The following DENND1B variants were observed in gnomAD, a reference collection of about 807,000 sequenced individuals.
The protein encoded by DENND1B is DENN domain containing 1B.
DENND1B carries 59 observed loss-of-function variants against 90.1 expected under a neutral mutation model. The ratio of observed to expected loss-of-function variants is 0.65; its 90% CI spans 0.53 to 0.81. DENND1B has a LOEUF of 0.81. Ranked by LOEUF, DENND1B falls within the 40% of genes least tolerant of loss-of-function variation. The pLI is 0.00. For missense variants in DENND1B, 862 were observed against 912.6 expected, an observed-to-expected ratio of 0.94 and a Z score of 0.71; for synonymous variants, 337 against 324.6, an observed-to-expected ratio of 1.04 and a Z score of -0.41.
rs562944745 is a variant in DENND1B, at chr1:197,652,968, A to G, written c.367-653T>C. ...AATAAATATACAAAGATTTTTATAG[A>G]CATAATTATCCTTATTCTCTATTTT... On this transcript the variant is annotated intron_variant, in intron 6 of 22. Coordinates refer to ENST00000620048, the MANE Select transcript of DENND1B (RefSeq NM_001195215.2). Among the ~76,000 whole-genome samples, 6 of 152,176 alleles carry G rather than the reference A, an allele frequency of 3.9e-5. No homozygotes were observed. In the South Asian group the frequency reaches 1.2e-3, roughly 32 times the overall value.
intron 8 of DENND1B, 57 bp downstream of exon 8, chr1:197,646,998 G>A: frequency 7.7e-6 from 10 of 1,291,462 alleles, no homozygotes; most frequent in Non-Finnish European, 1.0e-5. Flanking sequence ...AGTGAAATAA[G>A]TGATTATTTT....
At chr1:197,552,481 A>T in intron 16 of DENND1B, 4 of 985,496 alleles carry the variant, frequency 4.1e-6, no homozygotes, top group Non-Finnish European at 4.8e-6. Context: ...CACTAGAAGG[A>T]TTAATTGTAC....
chr1:197,766,337 A>C (rs1021769992), intron 2 of DENND1B, among the ~76,000 whole-genome samples: 1 of 152,238 alleles, frequency 6.6e-6, no homozygotes, highest in Admixed American at 6.5e-5. Flanking sequence ...AATGAACACA[A>C]AGTTACAGCA....
At chr1:197,590,615 G>A (rs928154624) in intron 14 of DENND1B, among the ~76,000 whole-genome samples, 2 of 151,992 alleles carry the variant, frequency 1.3e-5, no homozygotes, top group African/African-American at 4.8e-5. Context: ...AACAATTTAG[G>A]GTTGCCAGCT....
At chr1:197,578,328 T>G (rs1235800772) in intron 15 of DENND1B, among the ~76,000 whole-genome samples, 1 of 152,104 alleles carries the variant, frequency 6.6e-6, no homozygotes, top group Non-Finnish European at 1.5e-5. Flanking sequence ...CACTGCAACC[T>G]CTGTCTCCCA....
chr1:197,545,055 A>AGAAGGAGAAGG (rs1401718247), intron 18 of DENND1B, among the ~76,000 whole-genome samples: 449 of 12,920 alleles, frequency 0.035, 3 homozygotes, highest in Non-Finnish European at 0.047. Context: ...GAAGGAGAAG[A>AGAAGGAGAAGG]AGAAGAAGAA....
At chr1:197,526,859 A>T (rs1475866922) in intron 20 of DENND1B, among the ~76,000 whole-genome samples, 2 of 152,292 alleles carry the variant, frequency 1.3e-5, no homozygotes, top group East Asian at 3.9e-4. Context: ...AAAGGTCTCA[A>T]TGTGTATTCT....
chr1:197,625,053 G>A (rs560802252), intron 10 of DENND1B, among the ~76,000 whole-genome samples: 4 of 151,924 alleles, frequency 2.6e-5, no homozygotes, highest in East Asian at 1.9e-4. Flanking sequence ...GGTGTACCTG[G>A]AAGTGACAGG....
intron 2 of DENND1B, among the ~76,000 whole-genome samples, chr1:197,726,872 TA>T: frequency 1.3e-5 from 2 of 152,316 alleles, no homozygotes; most frequent in South Asian, 4.1e-4. Flanking sequence ...ATGTTCATAG[TA>T]AAAACTAAGA....
At position 197,616,913 on chromosome 1, in the gene DENND1B, TC is replaced by T. The variant is rs145459399; in HGVS notation, c.773+745del. 6.8e-4 allele frequency among the ~76,000 whole-genome samples: 102 copies of T among 150,850 alleles called. No individual in the cohort carries two copies. The East Asian group carries it at 0.02, about 29-fold the overall frequency. On this transcript the variant is annotated intron_variant, in intron 11 of 22. Coordinates refer to ENST00000620048, the MANE Select transcript of DENND1B (RefSeq NM_001195215.2). ...ATGATTATGCAATGAAGATAACATT[TC>T]CCCCCCTAGTCTTGAAGAAGGCCCA... is the stretch of plus-strand genomic sequence containing the variant.
Position 197,623,615 on chromosome 1 carries a change from G to C in DENND1B, c.673-5856C>G, listed in dbSNP as rs1678373844. Among the ~76,000 whole-genome samples, 2 of 151,294 alleles carry C rather than the reference G, an allele frequency of 1.3e-5. 1 individual carries two copies. The highest frequency in any genetic ancestry group is 4.1e-4 in the South Asian group (2 of 4,824). On this transcript the variant is annotated intron_variant, in intron 10 of 22. Coordinates refer to ENST00000620048, the MANE Select transcript of DENND1B (RefSeq NM_001195215.2). ...TTCTTAGAATACTTTTACATTCATA[G>C]CAAAACTGAGCAGAAAGTACAGAAA...
chr1:197,567,216 TAA>T (rs1198240945), intron 15 of DENND1B, among the ~76,000 whole-genome samples: 1 of 152,014 alleles, frequency 6.6e-6, no homozygotes, highest in Non-Finnish European at 1.5e-5. Context: ...TAAAGAATCA[TAA>T]GAGTCTACTA....
At position 197,775,272 on chromosome 1, in the gene DENND1B, A is replaced by T. The variant is rs1042810455; in HGVS notation, c.-117T>A. On this transcript the variant is annotated 5_prime_UTR_variant, in exon 1 of 23. Coordinates refer to ENST00000620048, the MANE Select transcript of DENND1B (RefSeq NM_001195215.2). ...CCCACGCCGGCGGCCACACAGGGAA[A>T]GAGGCTGCTCACAGCAGCCGTGGCG... 4.6e-5 allele frequency: 39 copies of T among 847,962 alleles called. No individual in the cohort carries two copies. The highest frequency in any genetic ancestry group is 6.0e-5 in the Non-Finnish European group (38 of 635,244). 52.5% of individuals were successfully genotyped at this position (847,962 alleles called of 1,614,324 possible). A position where few individuals can be genotyped will look rare whatever the true frequency, so the allele number is the denominator to read the frequency against.
intron 20 of DENND1B, among the ~76,000 whole-genome samples, chr1:197,526,242 C>G (rs1478486130): frequency 6.6e-6 from 1 of 151,968 alleles, no homozygotes; most frequent in Non-Finnish European, 1.5e-5. Flanking sequence ...CTGGTTTTTC[C>G]TTTCATCAAC....
intron 10 of DENND1B, among the ~76,000 whole-genome samples, chr1:197,640,890 T>C (rs1680214468): frequency 1.3e-5 from 2 of 151,988 alleles, no homozygotes; most frequent in African/African-American, 4.8e-5. Flanking sequence ...GAGGATCCAT[T>C]GAGCCCAGGA....
chr1:197,602,516 C>A (rs1676299611), intron 13 of DENND1B, among the ~76,000 whole-genome samples: 1 of 151,442 alleles, frequency 6.6e-6, no homozygotes, highest in African/African-American at 2.4e-5. Context: ...CTTCATTTAC[C>A]ATTAAACACA....
chr1:197,697,251 GA>G (rs1238239302), intron 3 of DENND1B, among the ~76,000 whole-genome samples: 1 of 151,418 alleles, frequency 6.6e-6, no homozygotes, highest in East Asian at 1.9e-4. Flanking sequence ...GATAGCAGGG[GA>G]TTTTTTTTTA....
intron 10 of DENND1B, among the ~76,000 whole-genome samples, chr1:197,629,140 C>T (rs1242850449): frequency 6.6e-6 from 1 of 152,032 alleles, no homozygotes; most frequent in Admixed American, 6.6e-5. Flanking sequence ...GGATCTAGAA[C>T]CAGAAATACC....
chr1:197,578,339 G>A (rs1673883782), intron 15 of DENND1B, among the ~76,000 whole-genome samples: 1 of 152,026 alleles, frequency 6.6e-6, no homozygotes, highest in Non-Finnish European at 1.5e-5. Context: ...CTGTCTCCCA[G>A]GTTCAAGCTA....
Sources: allele counts gnomAD v4.1 joint callset (sites outside exome capture counted in the v4.1 genomes callset), GRCh38; gene constraint gnomAD v4.1.1; transcripts MANE v1.5; gene names NCBI Gene and HGNC (gene_info 2026-07-23, HGNC 2026-07-21).